ARMC12: variants seen among roughly 807,000 people sequenced by gnomAD.
ARMC12 encodes the protein armadillo repeat-containing protein 12.
Under a neutral mutation model 37.4 loss-of-function variants are expected in ARMC12, and 25 were observed. The observed-to-expected ratio is 0.67, with a 90% confidence interval of 0.49 to 0.93. The LOEUF is 0.93. ARMC12 is among the 40% of genes least tolerant of loss of function. The pLI is 0.00. For missense variants in ARMC12, 384 were observed against 426.6 expected (o/e 0.90, Z 0.88); for synonymous variants, 167 against 176.1 (o/e 0.95, Z 0.41).
chr6:35,733,759 C>G (rs796161734), upstream of ARMC12: 4 of 152,414 alleles, frequency 2.6e-5, 1 homozygote, highest in African/African-American at 9.6e-5. Context: ...CTGGGCCTCC[C>G]AAAGTACTGG....
chr6:35,747,693 TA>T lies in ARMC12; in HGVS notation c.690+47del, dbSNP rs929587097. ...GGGCTGATGAATGCCAACTCAGGTATAGGGGGAGGGAAGAATCATGGCATCT... is the reference window on the plus strand; with the variant it reads ...GGGCTGATGAATGCCAACTCAGGTATGGGGGAGGGAAGAATCATGGCATCT... On this transcript the variant is annotated intron_variant, in intron 5 of 5. Transcript: ENST00000373866. The T allele has an allele frequency of 1.7e-5, 27 of 1,577,040 alleles. No individual in the cohort carries two copies. The Admixed American group carries it at 4.0e-4, about 23-fold the overall frequency.
At chr6:35,738,971 A>G (rs969620247) in intron 3 of ARMC12, among the ~76,000 whole-genome samples, 1 of 152,160 alleles carries the variant, frequency 6.6e-6, no homozygotes, top group South Asian at 2.1e-4. Flanking sequence ...GGGGGTTCCC[A>G]CAACTCCCTT....
At chr6:35,742,563 A>G (rs1183380446) in intron 3 of ARMC12, among the ~76,000 whole-genome samples, 1 of 151,252 alleles carries the variant, frequency 6.6e-6, no homozygotes, top group Non-Finnish European at 1.5e-5. Flanking sequence ...GTTTTTCACA[A>G]ATCCCCCAGG....
chr6:35,738,614 T>C, intron 3 of ARMC12, 96 bp downstream of exon 3: 2 of 1,493,822 alleles, frequency 1.3e-6, no homozygotes, highest in East Asian at 2.3e-5. Flanking sequence ...CAGAAGTTTG[T>C]TTGGGTGTGA....
chr6:35,747,346 T>C lies in ARMC12; in HGVS notation c.530T>C (p.Leu177Pro). ...GCGGGCCTCAGACTCCTCAACAACC[T>C]TCCACTGCCCGACTATGTGCATCCA... is the stretch of plus-strand genomic sequence containing the variant. Reference protein sequence around the residue: ...HIAGLRLLNNLPLPDYVHPQL... With the variant: ...HIAGLRLLNNPPLPDYVHPQL... Residue 177 changes from leucine (L) to proline (P), a missense_variant, in exon 4 of 6, where the codon CTT becomes CCT. Leu to Pro is a moderately conservative substitution (Grantham distance 98). Coordinates refer to ENST00000373866, the MANE Select transcript of ARMC12 (RefSeq NM_001286574.2). 1 of 1,614,144 alleles carries C rather than the reference T, an allele frequency of 6.2e-7. No individual in the cohort carries two copies. Among genetic ancestry groups the C allele is most frequent in the Non-Finnish European group, 8.5e-7 (1 of 1,180,032 alleles).
At position 35,738,148 on chromosome 6, in the gene ARMC12, C is replaced by T; in HGVS notation, c.285C>T (p.Arg95=). Residue 95 remains arginine (R), a synonymous_variant, in exon 2 of 6, where the codon CGC becomes CGT. Coordinates refer to ENST00000373866, the MANE Select transcript of ARMC12 (RefSeq NM_001286574.2). ...GCATGATCCTGCACAGTATCACTCG[C>T]TGTGTGTACTTGCTGGAGGCTGAGG... ...AKSMILHSIT[R]CVYLLEAEAS... is the part of the protein sequence containing the mutation. 1 of 1,613,390 alleles carries T rather than the reference C, an allele frequency of 6.2e-7. No individual in the cohort carries two copies. The highest frequency in any genetic ancestry group is 1.1e-5 in the South Asian group (1 of 91,074).
chr6:35,736,973 TC>T, upstream of ARMC12: 2 of 1,356,406 alleles, frequency 1.5e-6, no homozygotes, highest in Non-Finnish European at 1.0e-6. Context: ...TCCCATTATC[TC>T]CCCAGTTTCC....
intron 1 of ARMC12, 53 bp downstream of exon 1, chr6:35,737,324 C>G (rs140145632): frequency 6.2e-7 from 1 of 1,614,110 alleles, no homozygotes; most frequent in African/African-American, 1.3e-5. Context: ...CACCTGCTCC[C>G]GAGGCCTCTG....
chr6:35,740,849 T>G (rs1485791916), intron 3 of ARMC12, among the ~76,000 whole-genome samples: 1 of 151,956 alleles, frequency 6.6e-6, no homozygotes, highest in African/African-American at 2.4e-5. Flanking sequence ...CTTTTCTCCC[T>G]GCTACGTGGA....
At chr6:35,737,991 G>A (rs770697753) in intron 1 of ARMC12, 36 bp from the exon 2 acceptor site, 1 of 1,608,924 alleles carries the variant, frequency 6.2e-7, no homozygotes, top group Admixed American at 1.7e-5. Flanking sequence ...TCACTTCTGA[G>A]TCCACAGCCT....
intron 3 of ARMC12, among the ~76,000 whole-genome samples, chr6:35,744,462 C>T (rs888878212): frequency 5.3e-5 from 8 of 152,212 alleles, no homozygotes; most frequent in African/African-American, 1.9e-4. Context: ...TTGAAAATCA[C>T]ATATCTGATA....
chr6:35,740,672 T>G (rs912866274), intron 3 of ARMC12, among the ~76,000 whole-genome samples: 1 of 152,196 alleles, frequency 6.6e-6, no homozygotes, highest in Non-Finnish European at 1.5e-5. Context: ...GTCATTACCC[T>G]GCATTTTGTT....
chr6:35,732,471 C>T (rs1371797180), upstream of ARMC12, among the ~76,000 whole-genome samples: 3 of 152,202 alleles, frequency 2.0e-5, no homozygotes, highest in Admixed American at 2.0e-4. Flanking sequence ...TGTCCAAACC[C>T]CACACTGTTG....
At chr6:35,737,863 G>A in intron 1 of ARMC12, 164 bp from the exon 2 acceptor site, 2 of 885,494 alleles carry the variant, frequency 2.3e-6, no homozygotes, top group Non-Finnish European at 3.6e-6. Context: ...CCCTTGTGCA[G>A]TAAACATTCG....
At chr6:35,739,720 G>A (rs376939675) in intron 3 of ARMC12, among the ~76,000 whole-genome samples, 1 of 152,288 alleles carries the variant, frequency 6.6e-6, no homozygotes, top group South Asian at 2.1e-4. Context: ...ACTTAACCAC[G>A]CAGTCAGTAC....
rs1259068988 is a variant in ARMC12 at position 35,738,164 on chromosome 6, G to A, written c.301G>A (p.Glu101Lys). 1.4e-5 allele frequency: 23 copies of A among 1,612,238 alleles called. No individual in the cohort carries two copies. The highest frequency in any genetic ancestry group is 2.0e-5 in the Non-Finnish European group (23 of 1,179,038). The change falls in exon 2 of 6, where the codon GAG becomes AAG. Residue 101 changes from glutamate to lysine, a missense_variant. Physicochemically the swap from Glu to Lys is moderately conservative, Grantham distance 56. Coordinates refer to ENST00000373866, the MANE Select transcript of ARMC12 (RefSeq NM_001286574.2). Reference protein sequence around the residue: ...HSITRCVYLLEAEASACTTDD... With the variant: ...HSITRCVYLLKAEASACTTDD... The stretch of plus-strand genomic sequence containing the variant: ...TATCACTCGCTGTGTGTACTTGCTG[G>A]AGGCTGAGGTAAGGGAAGCAGGAGG...
upstream of ARMC12, among the ~76,000 whole-genome samples, chr6:35,733,613 A>G (rs560489007): frequency 5.9e-5 from 9 of 152,206 alleles, no homozygotes; most frequent in South Asian, 1.0e-3. Context: ...GGTTCAAGCA[A>G]TTTTGCCTCA....
intron 3 of ARMC12, among the ~76,000 whole-genome samples, chr6:35,746,919 A>T (rs566205374): frequency 1.3e-5 from 2 of 152,144 alleles, no homozygotes; most frequent in South Asian, 4.2e-4. Flanking sequence ...GGGACAACAT[A>T]GCTGGAGCTA....
rs186684654 is a variant in ARMC12, at chr6:35,738,961, G to A, written c.444+443G>A. On this transcript the variant is annotated intron_variant, in intron 3 of 5. Coordinates refer to ENST00000373866, the MANE Select transcript of ARMC12 (RefSeq NM_001286574.2). Reference sequence around the variant, plus strand: ...CTTCTGACTGGCCCGCTATGAATTCGGGGGTTCCCACAACTCCCTTTTTAG... The same window carrying A: ...CTTCTGACTGGCCCGCTATGAATTCAGGGGTTCCCACAACTCCCTTTTTAG... 1.3e-4 allele frequency among the ~76,000 whole-genome samples: 20 copies of A among 152,210 alleles called. 1 individual carries two copies. In the East Asian group the frequency reaches 2.5e-3, roughly 19 times the overall value.
Sources: gnomAD v4.1 joint callset for allele counts (sites outside exome capture counted in the v4.1 genomes callset) on GRCh38, gnomAD v4.1.1 for gene constraint, MANE v1.5 for transcripts, NCBI Gene and HGNC (gene_info 2026-07-23, HGNC 2026-07-21) for gene names.